The following PTPRD variants were observed in gnomAD, a reference collection of about 807,000 sequenced individuals.
PTPRD encodes the protein protein tyrosine phosphatase receptor type D.
Under a neutral mutation model 214.5 loss-of-function variants are expected in PTPRD, and 34 were observed. The ratio of observed to expected loss-of-function variants is 0.16; its 90% CI spans 0.12 to 0.21. The LOEUF (loss-of-function observed/expected upper bound fraction) is 0.21, where lower values mean the gene tolerates loss of function less well. Ranked by LOEUF, PTPRD falls within the 10% of genes least tolerant of loss-of-function variation. The probability of loss-of-function intolerance (pLI) is 1.00; values close to 1 mark genes in which losing one functional copy is unlikely to be tolerated. For synonymous variants in PTPRD, 1,128 were observed against 845.7 expected (o/e 1.33, Z -5.79); for missense variants, 2,545 against 2,398.7 (o/e 1.06, Z -1.27).
intron 4 of PTPRD, among the ~76,000 whole-genome samples, chr9:10,007,028 G>A (rs112236414): frequency 0.048 from 7,356 of 151,946 alleles, 633 homozygotes; most frequent in African/African-American, 0.17. Flanking sequence ...CTCTCTTGAT[G>A]ATAACATTAT....
At chr9:8,375,849 C>CCAGAATG in intron 39 of PTPRD, 87 bp downstream of exon 39, 1 of 1,449,560 alleles carries the variant, frequency 6.9e-7, no homozygotes. Context: ...ATTTACTATT[C>CCAGAATG]CAGAATGTCA....
chr9:10,226,113 G>T (rs2099588022), intron 3 of PTPRD, among the ~76,000 whole-genome samples: 2 of 152,000 alleles, frequency 1.3e-5, no homozygotes, highest in Non-Finnish European at 1.5e-5. Context: ...AATATCCATT[G>T]TCCAGTGGTC....
intron 2 of PTPRD, among the ~76,000 whole-genome samples, chr9:10,487,349 T>C (rs1471031385): frequency 1.3e-5 from 2 of 152,198 alleles, no homozygotes; most frequent in African/African-American, 4.8e-5. Flanking sequence ...TTGTTTTCTG[T>C]TTGTTTTCTG....
At chr9:9,877,612 T>A (rs2067262400) in intron 5 of PTPRD, among the ~76,000 whole-genome samples, 1 of 152,062 alleles carries the variant, frequency 6.6e-6, no homozygotes, top group African/African-American at 2.4e-5. Context: ...GAATTCTTAA[T>A]TATTGTGTTG....
chr9:8,804,750 A>C (rs2096641703), intron 11 of PTPRD, among the ~76,000 whole-genome samples: 1 of 152,016 alleles, frequency 6.6e-6, no homozygotes, highest in Non-Finnish European at 1.5e-5. Context: ...ATGAGTGGCC[A>C]CCTTTTAGTG....
intron 12 of PTPRD, chr9:8,713,895 G>GAAA: frequency 1.4e-6 from 1 of 699,588 alleles, no homozygotes; most frequent in Non-Finnish European, 2.3e-6. Flanking sequence ...CGCCCCGGTG[G>GAAA]AAAAAAAAAA....
At chr9:8,892,512 A>AAT (rs573215948) in intron 11 of PTPRD, among the ~76,000 whole-genome samples, 16 of 150,538 alleles carry the variant, frequency 1.1e-4, no homozygotes, top group Non-Finnish European at 1.5e-4. Flanking sequence ...TACAAAGTTG[A>AAT]ATATATATAT....
At chr9:8,701,192 G>A (rs1233896283) in intron 12 of PTPRD, among the ~76,000 whole-genome samples, 1 of 151,980 alleles carries the variant, frequency 6.6e-6, no homozygotes, top group Non-Finnish European at 1.5e-5. Flanking sequence ...TTATTTTAGT[G>A]CCATAATTCA....
intron 7 of PTPRD, among the ~76,000 whole-genome samples, chr9:9,597,740 G>A (rs142560165): frequency 1.8e-4 from 27 of 152,040 alleles, no homozygotes; most frequent in Non-Finnish European, 3.1e-4. Context: ...TCAGTAGTGC[G>A]AAGAGACAGG....
chr9:9,049,152 G>C (rs1190956935), intron 10 of PTPRD, among the ~76,000 whole-genome samples: 1 of 152,138 alleles, frequency 6.6e-6, no homozygotes, highest in Non-Finnish European at 1.5e-5. Flanking sequence ...AAAACCTAAG[G>C]TCTAGCAGAC....
chr9:9,802,307 C>T (rs1013734031), intron 5 of PTPRD, among the ~76,000 whole-genome samples: 1 of 151,768 alleles, frequency 6.6e-6, no homozygotes, highest in African/African-American at 2.4e-5. Context: ...CAAATATGTC[C>T]ATATTTTGTA....
intron 2 of PTPRD, among the ~76,000 whole-genome samples, chr9:10,579,944 T>C (rs2071101180): frequency 6.6e-6 from 1 of 152,170 alleles, no homozygotes; most frequent in African/African-American, 2.4e-5. Context: ...TTTGTCAATG[T>C]TCAATGGGGT....
At chr9:9,515,285 G>C (rs921823421) in intron 8 of PTPRD, among the ~76,000 whole-genome samples, 3 of 152,026 alleles carry the variant, frequency 2.0e-5, no homozygotes, top group African/African-American at 4.8e-5. Flanking sequence ...ATAATATCAT[G>C]TTTTTTTATT....
intron 27 of PTPRD, among the ~76,000 whole-genome samples, chr9:8,489,994 T>G (rs1268845796): frequency 6.6e-6 from 1 of 152,192 alleles, no homozygotes; most frequent in Non-Finnish European, 1.5e-5. Context: ...TGGAATAGAT[T>G]GTGCAATCTG....
rs144996823 is a variant in PTPRD at position 9,782,500 on chromosome 9, A to G, written c.-367-15649T>C. On this transcript the variant is annotated intron_variant, in intron 5 of 45. Coordinates refer to ENST00000381196, the MANE Select transcript of PTPRD (RefSeq NM_002839.4). ...TACCAACTGATTAACTGAGGAAAGA[A>G]TATTTTCTAAACATTTAACAGATGA... Among the ~76,000 whole-genome samples the G allele has an allele frequency of 3.7e-4, 56 of 152,324 alleles. No homozygotes were observed. The East Asian group carries it at 9.8e-3, about 27-fold the overall frequency.
intron 35 of PTPRD, among the ~76,000 whole-genome samples, chr9:8,406,925 C>T (rs186338621): frequency 7.9e-5 from 12 of 152,330 alleles, no homozygotes; most frequent in East Asian, 3.9e-4. Flanking sequence ...CACTGGTATA[C>T]GTACAGTGCT....
At chr9:9,071,262 G>C (rs2099743309) in intron 10 of PTPRD, among the ~76,000 whole-genome samples, 1 of 152,132 alleles carries the variant, frequency 6.6e-6, no homozygotes, top group Non-Finnish European at 1.5e-5. Context: ...CTCCCCTTGA[G>C]TTTGGACAAG....
chr9:9,509,348 C>G (rs2096644695), intron 8 of PTPRD, among the ~76,000 whole-genome samples: 1 of 151,468 alleles, frequency 6.6e-6, no homozygotes, highest in African/African-American at 2.4e-5. Context: ...ACTATTAAAA[C>G]TTGAGAAAGT....
intron 25 of PTPRD, among the ~76,000 whole-genome samples, chr9:8,498,907 A>C (rs575074861): frequency 6.6e-6 from 1 of 152,288 alleles, no homozygotes; most frequent in East Asian, 1.9e-4. Context: ...AAAATTTTGG[A>C]AATTTTCAAT....
Sources: allele counts gnomAD v4.1 joint callset (sites outside exome capture counted in the v4.1 genomes callset), GRCh38; gene constraint gnomAD v4.1.1; transcripts MANE v1.5; gene names NCBI Gene and HGNC (gene_info 2026-07-23, HGNC 2026-07-21).